The following ERFL variants were observed in gnomAD, a reference collection of about 807,000 sequenced individuals.
The protein encoded by ERFL is ETS domain-containing transcription factor ERF-like.
ERFL carries 8 observed loss-of-function variants against 27.9 expected under a neutral mutation model. That is an observed-to-expected ratio of 0.29 (90% CI 0.17 to 0.52). ERFL has a LOEUF of 0.52. Ranked by LOEUF, ERFL falls within the 20% of genes least tolerant of loss-of-function variation. The probability of loss-of-function intolerance (pLI) is 0.97; values close to 1 mark genes in which losing one functional copy is unlikely to be tolerated. For synonymous variants in ERFL, 174 were observed against 202.8 expected, an observed-to-expected ratio of 0.86 and a Z score of 1.21; for missense variants, 294 against 444.4, an observed-to-expected ratio of 0.66 and a Z score of 3.04.
At chr19:41,919,512 TACACAC>T (rs60525805) in intron 1 of ERFL, among the ~76,000 whole-genome samples, 22 of 146,590 alleles carry the variant, frequency 1.5e-4, no homozygotes, top group South Asian at 4.4e-4. Context: ...CGTGCACGCG[TACACAC>T]ACACACACAC....
intron 1 of ERFL, chr19:41,923,219 T>G: frequency 2.2e-6 from 1 of 456,000 alleles, no homozygotes; most frequent in Non-Finnish European, 4.4e-6. Flanking sequence ...GAGGTGAGCC[T>G]GGACTTGAAT....
chr19:41,908,089 G>C lies in ERFL; in HGVS notation c.*139C>G. ...GTGAGACCCCCCCCACTCTGGGGCT[G>C]GGGAAGGAGACTGGGGCAGCAATGT... is the stretch of plus-strand genomic sequence containing the variant. On this transcript the variant is annotated 3_prime_UTR_variant, in exon 6 of 6. Coordinates refer to ENST00000597630, the MANE Select transcript of ERFL (RefSeq NM_001365103.2). The surrounding 1 kb of genome is among the most constrained non-coding windows in gnomAD (Gnocchi z 6.7). 1.7e-6 allele frequency: 1 copy of C among 595,738 alleles called. No individual in the cohort carries two copies. Among genetic ancestry groups the C allele is most frequent in the Non-Finnish European group, 2.5e-6 (1 of 407,220 alleles). The allele number at this position is 595,738 out of a possible 1,614,324, so 36.9% of individuals were successfully genotyped here.
At chr19:41,927,004 G>A (rs2074875579) in intron 1 of ERFL, among the ~76,000 whole-genome samples, 1 of 152,144 alleles carries the variant, frequency 6.6e-6, no homozygotes, top group East Asian at 1.9e-4. Context: ...TAGATGCCGA[G>A]AAAGGAAGAG....
chr19:41,916,961 G>T lies in ERFL; in HGVS notation c.-13-4029C>A, dbSNP rs1555852011. Among the ~76,000 whole-genome samples the T allele has an allele frequency of 6.6e-6, 1 of 152,078 alleles. No homozygotes were observed. The highest frequency in any genetic ancestry group is 2.4e-5 in the African/African-American group (1 of 41,398). ...ACTCCTGCTCCCACCATCCCCATCT[G>T]TCTGCCTGTCCCTCCATCTGTGAAC... On this transcript the variant is annotated intron_variant, in intron 1 of 5. Transcript: ENST00000597630. The surrounding 1 kb of genome is among the most constrained non-coding windows in gnomAD (Gnocchi z 5.4).
In ERFL at chr19:41,914,569, G is replaced by GC. The variant is rs1418050068; in HGVS notation, c.-13-1638_-13-1637insG. Among the ~76,000 whole-genome samples the GC allele has an allele frequency of 7.6e-3, 181 of 23,950 alleles. 15 individuals are homozygous for GC. The highest frequency in any genetic ancestry group is 0.026 in the African/African-American group (169 of 6,592). 15.7% of individuals were successfully genotyped at this position (23,950 alleles called of 152,430 possible). On this transcript the variant is annotated intron_variant, in intron 1 of 5. Transcript: ENST00000597630. Reference sequence around the variant, plus strand: ...CTTTCCCTCCCCTTCCACCATCTCTGTCTCCGTCTCTCCCTCCCTTTCCAC... The same window carrying GC: ...CTTTCCCTCCCCTTCCACCATCTCTGCTCTCCGTCTCTCCCTCCCTTTCCAC...
intron 1 of ERFL, among the ~76,000 whole-genome samples, chr19:41,922,783 G>A (rs1251230521): frequency 2.6e-5 from 4 of 152,206 alleles, no homozygotes; most frequent in Non-Finnish European, 5.9e-5. Flanking sequence ...CTAATTCAGC[G>A]CCATCGATCA....
chr19:41,915,308 C>T (rs1212880240), intron 1 of ERFL, among the ~76,000 whole-genome samples: 1 of 151,688 alleles, frequency 6.6e-6, no homozygotes, highest in Non-Finnish European at 1.5e-5. Context: ...TCTGCCATCT[C>T]GCAGTCTCTG....
At chr19:41,912,615 C>T (rs78069599) in intron 2 of ERFL, among the ~76,000 whole-genome samples, 4,089 of 152,346 alleles carry the variant, frequency 0.027, 186 homozygotes, top group African/African-American at 0.093. Context: ...CACTCACTTC[C>T]GTACCCTCCC....
In ERFL at chr19:41,917,936, G is replaced by GCGC. The variant is rs1555852088; in HGVS notation, c.-13-5005_-13-5004insGCG. Among the ~76,000 whole-genome samples, 1 of 151,842 alleles carries GCGC rather than the reference G, an allele frequency of 6.6e-6. No individual in the cohort carries two copies. Among genetic ancestry groups the GCGC allele is most frequent in the African/African-American group, 2.4e-5 (1 of 41,222 alleles). On this transcript the variant is annotated intron_variant, in intron 1 of 5. Transcript: ENST00000597630. This position sits in a 1 kb window ranked among gnomAD's most constrained non-coding sequence, Gnocchi z 4.8. The stretch of plus-strand genomic sequence containing the variant: ...CCGCGGTCACACACTGTGTGTGTGT[G>GCGC]TGCTCACACACCTGTCCGTCCAGAC...
intron 2 of ERFL, among the ~76,000 whole-genome samples, chr19:41,911,069 GAC>G (rs1262832707): frequency 3.9e-5 from 6 of 152,266 alleles, no homozygotes; most frequent in Non-Finnish European, 8.8e-5. Flanking sequence ...CATGTCCCCA[GAC>G]ACACAGGGTG....
At chr19:41,920,157 CATG>C (rs1362128755) in intron 1 of ERFL, among the ~76,000 whole-genome samples, 15 of 115,090 alleles carry the variant, frequency 1.3e-4, no homozygotes, top group African/African-American at 6.5e-4. Flanking sequence ...CACGCCCAGA[CATG>C]ATGCACTCAG....
At position 41,908,195 on chromosome 19, in the gene ERFL, C is replaced by T; in HGVS notation, c.*33G>A. ...GGCAGACGGGCAGCCACCCTGGTCC[C>T]TGCCTCAGCAGAATCCATTGCCCCC... On this transcript the variant is annotated 3_prime_UTR_variant, in exon 6 of 6. Transcript: ENST00000597630. The surrounding 1 kb of genome is among the most constrained non-coding windows in gnomAD (Gnocchi z 6.7). The T allele has an allele frequency of 8.1e-7, 1 of 1,231,052 alleles. No homozygotes were observed. Among genetic ancestry groups the T allele is most frequent in the Non-Finnish European group, 1.0e-6 (1 of 987,392 alleles). The allele number at this position is 1,231,052 out of a possible 1,614,324, so 76.3% of individuals were successfully genotyped here.
intron 1 of ERFL, among the ~76,000 whole-genome samples, chr19:41,923,709 G>A (rs2074854552): frequency 2.9e-5 from 1 of 34,684 alleles, no homozygotes; most frequent in Non-Finnish European, 5.7e-5. Flanking sequence ...CTGGGAGGGG[G>A]CTGTGCTGGG....
chr19:41,909,913 A>C lies in ERFL; in HGVS notation c.252T>G (p.Ile84Met), dbSNP rs2074742863. 1.9e-6 allele frequency: 3 copies of C among 1,613,714 alleles called. No homozygotes were observed. The highest frequency in any genetic ancestry group is 2.5e-6 in the Non-Finnish European group (3 of 1,179,854). Residue 84 changes from isoleucine (I) to methionine (M), a missense_variant, in exon 3 of 6, where the codon ATT (isoleucine) becomes ATG (methionine). Coordinates refer to ENST00000597630, the MANE Select transcript of ERFL (RefSeq NM_001365103.2). The surrounding 1 kb of genome is among the most constrained non-coding windows in gnomAD (Gnocchi z 5.2). ...AATTCATGTGGGGCTTGCATTTGCG[A>C]ATACCCCACAGCCGGGCCACCTCAT... ...DPDEVARLWG[I>M]RKCKPHMNYD... is the part of the protein sequence containing the mutation.
rs1164346640 is a variant in ERFL, at chr19:41,914,571, C to A, written c.-13-1639G>T. On this transcript the variant is annotated intron_variant, in intron 1 of 5. Transcript: ENST00000597630. Reference sequence around the variant, plus strand: ...TTCCCTCCCCTTCCACCATCTCTGTCTCCGTCTCTCCCTCCCTTTCCACCA... The same window carrying A: ...TTCCCTCCCCTTCCACCATCTCTGTATCCGTCTCTCCCTCCCTTTCCACCA... Among the ~76,000 whole-genome samples, 168 of 28,300 alleles carry A rather than the reference C, an allele frequency of 5.9e-3. 13 individuals are homozygous for A. Among genetic ancestry groups the A allele is most frequent in the African/African-American group, 0.017 (156 of 9,428 alleles). 18.6% of individuals were successfully genotyped at this position (28,300 alleles called of 152,430 possible). A position where few individuals can be genotyped will look rare whatever the true frequency, so the allele number is the denominator to read the frequency against.
Position 41,908,407 on chromosome 19 carries a change from C to T in ERFL, c.886G>A (p.Ala296Thr). ...GCCCCTGGCAGCGCCAGGCGAGGGG[C>T]CGCTGCCAGGCCCGAGGGGCGCTCG... is the stretch of plus-strand genomic sequence containing the variant. ...GPERPSGLAA[A>T]PRLALPGAGG... Residue 296 changes from alanine (A) to threonine (T), a missense_variant, in exon 6 of 6, where the codon GCC (alanine) becomes ACC (threonine). This residue lies in a region of ERFL where 246 missense variants were observed against 371.4 expected (regional missense o/e 0.66). Transcript: ENST00000597630. The surrounding 1 kb of genome is among the most constrained non-coding windows in gnomAD (Gnocchi z 6.7). 1 of 1,231,268 alleles carries T rather than the reference C, an allele frequency of 8.1e-7. No homozygotes were observed. Among genetic ancestry groups the T allele is most frequent in the East Asian group, 3.2e-5 (1 of 31,654 alleles). 76.3% of individuals were successfully genotyped at this position (1,231,268 alleles called of 1,614,324 possible). A position where few individuals can be genotyped will look rare whatever the true frequency, so the allele number is the denominator to read the frequency against.
At chr19:41,920,401 GAC>G (rs1189755318) in intron 1 of ERFL, among the ~76,000 whole-genome samples, 4 of 122,826 alleles carry the variant, frequency 3.3e-5, no homozygotes, top group Non-Finnish European at 6.5e-5. Context: ...GCCCAGATGT[GAC>G]ACACTCACAG....
chr19:41,909,504 A>C lies in ERFL; in HGVS notation c.303-33T>G. 8.0e-7 allele frequency: 1 copy of C among 1,251,838 alleles called. No homozygotes were observed. Among genetic ancestry groups the C allele is most frequent in the Non-Finnish European group, 1.0e-6 (1 of 997,780 alleles). 77.5% of individuals were successfully genotyped at this position (1,251,838 alleles called of 1,614,324 possible). ...GAGAGTGGTGGTGTTGGGGAGGTGC[A>C]GGGGGAGCCCTGGGGCGGGATCTGG... is the stretch of plus-strand genomic sequence containing the variant. On this transcript the variant is annotated intron_variant, in intron 3 of 5. Coordinates refer to ENST00000597630, the MANE Select transcript of ERFL (RefSeq NM_001365103.2). The surrounding 1 kb of genome is among the most constrained non-coding windows in gnomAD (Gnocchi z 5.2).
rs529607789 is a variant in ERFL, at chr19:41,916,032, C to T, written c.-13-3100G>A. Among the ~76,000 whole-genome samples the T allele has an allele frequency of 2.4e-4, 36 of 152,248 alleles. No individual in the cohort carries two copies. The highest frequency in any genetic ancestry group is 7.5e-4 in the African/African-American group (31 of 41,536). On this transcript the variant is annotated intron_variant, in intron 1 of 5. Coordinates refer to ENST00000597630, the MANE Select transcript of ERFL (RefSeq NM_001365103.2). This position sits in a 1 kb window ranked among gnomAD's most constrained non-coding sequence, Gnocchi z 5.4. ...CTTCCTCCACCCCCCCTTCGCCCCC[C>T]ATCTCTACCGCCCGCAGCCATGGCA...
Sources: allele counts gnomAD v4.1 joint callset (sites outside exome capture counted in the v4.1 genomes callset), GRCh38; gene constraint gnomAD v4.1.1; regional missense constraint gnomAD v4.1.1; non-coding constraint Gnocchi (gnomAD v3.1); transcripts MANE v1.5; gene names NCBI Gene and HGNC (gene_info 2026-07-23, HGNC 2026-07-21).